Variants in SLC44A5 observed in about 807,000 individuals in gnomAD.
The protein encoded by SLC44A5 is solute carrier family 44 member 5.
SLC44A5 carries 57 observed loss-of-function variants against 101.8 expected under a neutral mutation model. The observed-to-expected ratio is 0.56, with a 90% confidence interval of 0.45 to 0.70. The LOEUF is 0.70. Among genes scored for constraint, SLC44A5 ranks in the 30% least tolerant of loss-of-function variants. The pLI is 0.00. For synonymous variants in SLC44A5, 281 were observed against 290.9 expected (o/e 0.97, Z 0.35); for missense variants, 737 against 853.1 (o/e 0.86, Z 1.70).
intron 1 of SLC44A5, among the ~76,000 whole-genome samples, chr1:75,562,593 G>T (rs1293189608): frequency 6.6e-6 from 1 of 152,074 alleles, no homozygotes; most frequent in African/African-American, 2.4e-5. Flanking sequence ...AGCTACTCGG[G>T]GGGAGGATTG....
At chr1:75,492,383 A>G (rs924014735) in intron 2 of SLC44A5, among the ~76,000 whole-genome samples, 2 of 152,236 alleles carry the variant, frequency 1.3e-5, no homozygotes, top group South Asian at 2.1e-4. Flanking sequence ...ACATTTATTT[A>G]TTGAATGTCC....
intron 3 of SLC44A5, among the ~76,000 whole-genome samples, chr1:75,386,052 C>T (rs931360106): frequency 2.0e-5 from 3 of 152,004 alleles, no homozygotes; most frequent in African/African-American, 4.8e-5. Flanking sequence ...ATTGATGGGA[C>T]GTATTTCAAA....
chr1:75,296,711 A>C (rs957616054), intron 5 of SLC44A5, among the ~76,000 whole-genome samples: 1 of 152,056 alleles, frequency 6.6e-6, no homozygotes, highest in African/African-American at 2.4e-5. Context: ...AGCCTCCTCA[A>C]AACTCACGGG....
chr1:75,344,767 G>A (rs983573390), intron 3 of SLC44A5, among the ~76,000 whole-genome samples: 2 of 152,118 alleles, frequency 1.3e-5, no homozygotes, highest in Admixed American at 6.6e-5. Flanking sequence ...TCATTGAGAT[G>A]TATTTTGGAC....
At chr1:75,234,460 T>C (rs998522747) in intron 11 of SLC44A5, among the ~76,000 whole-genome samples, 1 of 152,066 alleles carries the variant, frequency 6.6e-6, no homozygotes, top group African/African-American at 2.4e-5. Context: ...AGGTCATAAA[T>C]TGTGAAATGT....
intron 1 of SLC44A5, among the ~76,000 whole-genome samples, chr1:75,585,876 C>T (rs932717985): frequency 6.6e-6 from 1 of 152,104 alleles, no homozygotes; most frequent in African/African-American, 2.4e-5. Flanking sequence ...GACTCAGTAG[C>T]TCTGAGAGGA....
chr1:75,269,100 G>A (rs114185676), intron 6 of SLC44A5, among the ~76,000 whole-genome samples: 3,546 of 151,886 alleles, frequency 0.023, 66 homozygotes, highest in Non-Finnish European at 0.038. Flanking sequence ...GGCCAACACC[G>A]GAAATTTTAA....
At chr1:75,531,272 A>T (rs1670705594) in intron 2 of SLC44A5, among the ~76,000 whole-genome samples, 1 of 152,238 alleles carries the variant, frequency 6.6e-6, no homozygotes. Flanking sequence ...AAACATTTTT[A>T]AAAATTATTT....
intron 2 of SLC44A5, among the ~76,000 whole-genome samples, chr1:75,515,382 A>G (rs556694893): frequency 6.6e-6 from 1 of 152,112 alleles, no homozygotes; most frequent in Non-Finnish European, 1.5e-5. Context: ...AAAAAAAGCA[A>G]GCATATTTCT....
Position 75,550,626 on chromosome 1 carries a change from G to A in SLC44A5, c.-69-9110C>T, listed in dbSNP as rs77277908. Among the ~76,000 whole-genome samples the A allele has an allele frequency of 3.3e-4, 50 of 152,218 alleles. No homozygotes were observed. The East Asian group carries it at 9.7e-3, about 29-fold the overall frequency. ...ACTACTTTGCAAGAGAGAGGGGCTA[G>A]CTGCTGAGGGAGTAATCTCCATACA... On this transcript the variant is annotated intron_variant, in intron 1 of 23. Coordinates refer to ENST00000370859, the MANE Select transcript of SLC44A5 (RefSeq NM_001130058.2).
the SLC44A5 span, among the ~76,000 whole-genome samples, chr1:75,634,897 G>T: frequency 6.6e-6 from 1 of 151,968 alleles, no homozygotes; most frequent in Non-Finnish European, 1.5e-5. Flanking sequence ...GAAAATTTTC[G>T]CAACTTACTC....
chr1:75,463,999 G>A (rs1488373917), intron 2 of SLC44A5, among the ~76,000 whole-genome samples: 1 of 152,120 alleles, frequency 6.6e-6, no homozygotes, highest in Non-Finnish European at 1.5e-5. Flanking sequence ...AAGGCAGGAG[G>A]TTTATGAGGT....
chr1:75,264,761 GAAGTAAATAAATAAAAA>G (rs1332022877), intron 6 of SLC44A5, among the ~76,000 whole-genome samples: 1 of 151,332 alleles, frequency 6.6e-6, no homozygotes, highest in African/African-American at 2.4e-5. Flanking sequence ...AAAATTAGTA[GAAGTAAATAAATAAAAA>G]TGAGAAGAGA....
At chr1:75,451,866 C>A (rs1665927850) in intron 2 of SLC44A5, among the ~76,000 whole-genome samples, 1 of 151,784 alleles carries the variant, frequency 6.6e-6, no homozygotes, top group African/African-American at 2.4e-5. Context: ...TTAAAGCAAC[C>A]AAACCTATGA....
At chr1:75,363,261 C>G (rs1270384541) in intron 3 of SLC44A5, among the ~76,000 whole-genome samples, 1 of 151,936 alleles carries the variant, frequency 6.6e-6, no homozygotes, top group African/African-American at 2.4e-5. Context: ...ACCAGTCATT[C>G]TGTCTTTTGA....
chr1:75,330,683 C>T (rs895441597), intron 4 of SLC44A5, among the ~76,000 whole-genome samples: 1 of 152,092 alleles, frequency 6.6e-6, no homozygotes, highest in African/African-American at 2.4e-5. Flanking sequence ...AGATTCCTCT[C>T]ATCCTCCAGG....
intron 2 of SLC44A5, among the ~76,000 whole-genome samples, chr1:75,478,513 C>T (rs2101760626): frequency 6.6e-6 from 1 of 152,162 alleles, no homozygotes; most frequent in South Asian, 2.1e-4. Context: ...ACCCATCTCA[C>T]ATGCAGAGAC....
chr1:75,596,456 G>A (rs949636836), intron 1 of SLC44A5, among the ~76,000 whole-genome samples: 2 of 152,034 alleles, frequency 1.3e-5, no homozygotes, highest in African/African-American at 4.8e-5. Flanking sequence ...CATTTTATGA[G>A]GCCAACATCA....
At chr1:75,392,093 T>TGAGCCATGCCACTGTACA (rs1661829032) in intron 3 of SLC44A5, among the ~76,000 whole-genome samples, 1 of 151,914 alleles carries the variant, frequency 6.6e-6, no homozygotes, top group African/African-American at 2.4e-5. Context: ...TATGCTGCAG[T>TGAGCCATGCCACTGTACA]GAGCCATGAT....
Sources: gnomAD v4.1 joint callset for allele counts (sites outside exome capture counted in the v4.1 genomes callset) on GRCh38, gnomAD v4.1.1 for gene constraint, MANE v1.5 for transcripts, NCBI Gene and HGNC (gene_info 2026-07-23, HGNC 2026-07-21) for gene names.